The following MRAP2 variants were observed in gnomAD, a reference collection of about 807,000 sequenced individuals.
MRAP2 encodes the protein melanocortin-2 receptor accessory protein 2.
In MRAP2, 20 loss-of-function variants were observed where a neutral mutation model predicts 17.4. That is an observed-to-expected ratio of 1.15 (90% CI 0.81 to 1.67). The LOEUF (loss-of-function observed/expected upper bound fraction) is 1.67. MRAP2 is among the 40% of genes most tolerant of loss of function. The pLI, the probability that MRAP2 is intolerant of heterozygous loss-of-function variation, is 0.00. For missense variants in MRAP2, 238 were observed against 240.0 expected (o/e 0.99, Z 0.05); for synonymous variants, 96 against 88.4 (o/e 1.09, Z -0.48).
chr6:84,124,928 A>G, the MRAP2 span: 1 of 690,308 alleles, frequency 1.4e-6, no homozygotes, highest in South Asian at 1.8e-5. Flanking sequence ...GTTAAAGGCA[A>G]TTTATTTTGA....
chr6:84,105,433 C>T, the MRAP2 span, among the ~76,000 whole-genome samples: 14 of 152,102 alleles, frequency 9.2e-5, no homozygotes, highest in East Asian at 5.8e-4. Context: ...GCTTGTGCAG[C>T]GGAATTCCTC....
At chr6:84,106,867 T>C in the MRAP2 span, among the ~76,000 whole-genome samples, 2 of 152,148 alleles carry the variant, frequency 1.3e-5, no homozygotes, top group African/African-American at 2.4e-5. Flanking sequence ...CAGTTCATGA[T>C]AGACAGCTTA....
the MRAP2 span, among the ~76,000 whole-genome samples, chr6:84,137,431 A>G: frequency 2.6e-5 from 4 of 152,216 alleles, no homozygotes; most frequent in Non-Finnish European, 5.9e-5. Flanking sequence ...GACAAATTAC[A>G]GTAAGAATTT....
chr6:84,052,808 GTC>G (rs1173891006), intron 1 of MRAP2: 3 of 985,178 alleles, frequency 3.0e-6, no homozygotes, highest in Non-Finnish European at 3.6e-6. Context: ...ACTCATTCTT[GTC>G]TCTCAGTGTT....
chr6:84,067,434 T>C (rs1266471206), intron 3 of MRAP2, among the ~76,000 whole-genome samples: 1 of 152,216 alleles, frequency 6.6e-6, no homozygotes, highest in Non-Finnish European at 1.5e-5. Flanking sequence ...AGACCTACTT[T>C]TAGTTCTTTA....
downstream of MRAP2, among the ~76,000 whole-genome samples, chr6:84,092,125 C>G (rs1266125667): frequency 1.3e-5 from 2 of 152,200 alleles, no homozygotes; most frequent in Non-Finnish European, 2.9e-5. Flanking sequence ...CACTTTACAT[C>G]TCTGTCTTTA....
intron 1 of MRAP2, among the ~76,000 whole-genome samples, chr6:84,053,898 G>T (rs916530497): frequency 1.3e-5 from 2 of 152,086 alleles, no homozygotes; most frequent in African/African-American, 4.8e-5. Context: ...TGTGGGGTTG[G>T]AGTCTTTTTT....
intron 3 of MRAP2, among the ~76,000 whole-genome samples, chr6:84,084,937 T>TTTTAC (rs2099500001): frequency 7.5e-6 from 1 of 133,258 alleles, no homozygotes; most frequent in African/African-American, 2.9e-5. Flanking sequence ...TTTTACTTTA[T>TTTTAC]TTTATTTTAT....
chr6:84,120,288 T>G, the MRAP2 span, among the ~76,000 whole-genome samples: 4 of 152,216 alleles, frequency 2.6e-5, no homozygotes, highest in African/African-American at 7.2e-5. Flanking sequence ...GTCTACTGAT[T>G]CAAATGCCAA....
At chr6:84,087,576 C>A (rs985722335) in intron 3 of MRAP2, among the ~76,000 whole-genome samples, 17 of 152,148 alleles carry the variant, frequency 1.1e-4, no homozygotes, top group Admixed American at 3.3e-4. Flanking sequence ...ATCTTTTAAA[C>A]CTGAGAGAAA....
intron 1 of MRAP2, among the ~76,000 whole-genome samples, chr6:84,054,503 A>C (rs990597608): frequency 2.0e-5 from 3 of 152,192 alleles, no homozygotes; most frequent in African/African-American, 7.2e-5. Flanking sequence ...TATCTTCTGC[A>C]AGATCCACTA....
the MRAP2 span, among the ~76,000 whole-genome samples, chr6:84,128,502 G>A: frequency 6.6e-6 from 1 of 152,072 alleles, no homozygotes; most frequent in South Asian, 2.1e-4. Flanking sequence ...AGAGTCAGAG[G>A]CAATGGGTTC....
intron 1 of MRAP2, chr6:84,045,239 A>G: frequency 1.0e-6 from 1 of 985,406 alleles, no homozygotes; most frequent in Non-Finnish European, 1.2e-6. Context: ...GACGCTGGAC[A>G]TGCTGGACAT....
chr6:84,137,853 GC>G, the MRAP2 span, among the ~76,000 whole-genome samples: 1 of 152,136 alleles, frequency 6.6e-6, no homozygotes, highest in Admixed American at 6.6e-5. Flanking sequence ...AAAAATACAT[GC>G]CTGAGTTAGC....
At chr6:84,119,019 C>T in the MRAP2 span, among the ~76,000 whole-genome samples, 1 of 152,074 alleles carries the variant, frequency 6.6e-6, no homozygotes, top group Non-Finnish European at 1.5e-5. Flanking sequence ...CTTTTGGACA[C>T]TATATCTGGT....
chr6:84,084,859 C>CTTTAT (rs766383974), intron 3 of MRAP2, among the ~76,000 whole-genome samples: 10,284 of 137,086 alleles, frequency 0.075, 478 homozygotes, highest in East Asian at 0.13. Context: ...CATTTCATTT[C>CTTTAT]TTTATTTTAT....
chr6:84,136,068 T>C, the MRAP2 span, among the ~76,000 whole-genome samples: 1 of 152,186 alleles, frequency 6.6e-6, no homozygotes, highest in African/African-American at 2.4e-5. Flanking sequence ...TAAGCAGCCA[T>C]TCCTGCTTTC....
chr6:84,133,650 T>C, the MRAP2 span, among the ~76,000 whole-genome samples: 2 of 152,170 alleles, frequency 1.3e-5, no homozygotes, highest in African/African-American at 2.4e-5. Context: ...CTGTGGGCAT[T>C]GGACCCTCTG....
At chr6:84,040,179 C>T (rs1437265505) in intron 1 of MRAP2, among the ~76,000 whole-genome samples, 2 of 152,152 alleles carry the variant, frequency 1.3e-5, no homozygotes, top group Non-Finnish European at 2.9e-5. Flanking sequence ...AAGAGGCTTT[C>T]CCTCTCTTCA....
Sources: gnomAD v4.1 joint callset for allele counts (sites outside exome capture counted in the v4.1 genomes callset) on GRCh38, gnomAD v4.1.1 for gene constraint, MANE v1.5 for transcripts, NCBI Gene and HGNC (gene_info 2026-07-23, HGNC 2026-07-21) for gene names.